Variants in DYM observed in about 807,000 individuals in gnomAD.
DYM encodes the protein dyggve-Melchior-Clausen syndrome protein.
DYM carries 78 observed loss-of-function variants against 93.1 expected under a neutral mutation model. The ratio of observed to expected loss-of-function variants is 0.84; its 90% CI spans 0.70 to 1.01. The LOEUF (loss-of-function observed/expected upper bound fraction) is 1.01, where lower values mean the gene tolerates loss of function less well. DYM is among the 50% of genes least tolerant of loss of function. DYM has a pLI of 0.00. For missense variants in DYM, 789 were observed against 845.0 expected (o/e 0.93, Z 0.82); for synonymous variants, 321 against 319.7 (o/e 1.00, Z -0.04).
chr18:49,153,437 T>A (rs2086041055), intron 15 of DYM, among the ~76,000 whole-genome samples: 1 of 152,130 alleles, frequency 6.6e-6, no homozygotes, highest in Admixed American at 6.5e-5. Flanking sequence ...AAGATCTTGA[T>A]CCAAATTTCA....
At chr18:49,273,275 G>C (rs1000337692) in intron 10 of DYM, among the ~76,000 whole-genome samples, 3 of 152,146 alleles carry the variant, frequency 2.0e-5, no homozygotes, top group Admixed American at 6.6e-5. Flanking sequence ...TAACTTCCAG[G>C]AACGAAGTAT....
intron 17 of DYM, among the ~76,000 whole-genome samples, chr18:49,045,078 T>C (rs932334752): frequency 6.6e-6 from 1 of 152,232 alleles, no homozygotes; most frequent in South Asian, 2.1e-4. Context: ...CCAAGGCCCC[T>C]GGGCCTCTCC....
intron 1 of DYM, among the ~76,000 whole-genome samples, chr18:49,459,000 T>C (rs184309252): frequency 6.6e-6 from 1 of 152,374 alleles, no homozygotes; most frequent in East Asian, 1.9e-4. Flanking sequence ...AGTTAACTGC[T>C]GAAGCTGGGT....
intron 2 of DYM, among the ~76,000 whole-genome samples, chr18:49,395,149 C>T (rs1018524082): frequency 7.9e-5 from 12 of 151,900 alleles, no homozygotes; most frequent in Non-Finnish European, 1.3e-4. Context: ...AGGATTATAT[C>T]AAACTAAAAA....
chr18:49,264,292 G>A (rs2094536055), intron 11 of DYM, among the ~76,000 whole-genome samples: 2 of 151,880 alleles, frequency 1.3e-5, no homozygotes, highest in African/African-American at 4.8e-5. Context: ...ATTTGAAGAA[G>A]TTCTCCCTAA....
intron 17 of DYM, among the ~76,000 whole-genome samples, chr18:49,074,075 C>A (rs1016678255): frequency 6.6e-6 from 1 of 152,192 alleles, no homozygotes; most frequent in Non-Finnish European, 1.5e-5. Context: ...ACCACTTTAA[C>A]AGCTAGGTTC....
At chr18:49,112,779 T>G (rs1225757496) in intron 16 of DYM, among the ~76,000 whole-genome samples, 1 of 152,134 alleles carries the variant, frequency 6.6e-6, no homozygotes, top group East Asian at 1.9e-4. Flanking sequence ...CTGCCCCTCA[T>G]TATCACAGAA....
chr18:49,112,178 C>A (rs932889482), intron 16 of DYM, among the ~76,000 whole-genome samples: 2 of 145,186 alleles, frequency 1.4e-5, no homozygotes, highest in African/African-American at 5.0e-5. Flanking sequence ...GGCTTTTGCA[C>A]CATATGAAAG....
intron 17 of DYM, among the ~76,000 whole-genome samples, chr18:49,045,451 T>C (rs1162975695): frequency 6.6e-6 from 1 of 152,206 alleles, no homozygotes; most frequent in Non-Finnish European, 1.5e-5. Flanking sequence ...GTATGTATTA[T>C]CTAATTTAGT....
At chr18:49,117,974 G>A (rs2082051684) in intron 16 of DYM, among the ~76,000 whole-genome samples, 2 of 149,568 alleles carry the variant, frequency 1.3e-5, no homozygotes, top group African/African-American at 2.5e-5. Flanking sequence ...TGGGATTACA[G>A]GCATAAGCCA....
At chr18:49,201,327 C>T (rs1447516466) in intron 14 of DYM, among the ~76,000 whole-genome samples, 2 of 150,004 alleles carry the variant, frequency 1.3e-5, no homozygotes, top group East Asian at 3.9e-4. Flanking sequence ...CTTTTTTTTT[C>T]AAAGTTCACC....
At chr18:49,270,360 A>G (rs992577645) in intron 11 of DYM, among the ~76,000 whole-genome samples, 3 of 152,240 alleles carry the variant, frequency 2.0e-5, no homozygotes, top group Admixed American at 1.3e-4. Context: ...ATGATCTCAC[A>G]TATATGTGGA....
chr18:49,137,110 T>C (rs563504706), intron 15 of DYM, among the ~76,000 whole-genome samples: 11 of 152,260 alleles, frequency 7.2e-5, no homozygotes, highest in African/African-American at 2.2e-4. Flanking sequence ...CATAGGACAA[T>C]CCTATCACCA....
intron 1 of DYM, among the ~76,000 whole-genome samples, chr18:49,435,312 T>A (rs943833342): frequency 6.6e-6 from 1 of 151,100 alleles, no homozygotes; most frequent in African/African-American, 2.4e-5. Flanking sequence ...TTTGTTATTA[T>A]AAGGTATTGT....
chr18:49,319,652 C>A (rs1048802058), intron 8 of DYM, among the ~76,000 whole-genome samples: 2 of 152,144 alleles, frequency 1.3e-5, no homozygotes, highest in African/African-American at 4.8e-5. Flanking sequence ...ACTCTAAGTT[C>A]CATTTTTAAA....
rs748033974 is a variant in DYM at position 49,118,926 on chromosome 18, C to A, written c.1729G>T (p.Ala577Ser). ...TCTTCAATGACATTTAGGTCTTGTGCCTTATAGAGAAAAGAAACCCCAACA... is the reference window on the plus strand; with the variant it reads ...TCTTCAATGACATTTAGGTCTTGTGACTTATAGAGAAAAGAAACCCCAACA... ...SSNDVPLPDY[A>S]QDLNVIEEVI... is the part of the protein sequence containing the mutation. Residue 577 changes from alanine (A) to serine (S), a missense_variant and splice_region_variant, in exon 16 of 18, where the codon GCA becomes TCA. Transcript: ENST00000675505. 3.7e-6 allele frequency: 6 copies of A among 1,613,660 alleles called. No individual in the cohort carries two copies. Among genetic ancestry groups the A allele is most frequent in the Non-Finnish European group, 5.1e-6 (6 of 1,179,788 alleles).
intron 1 of DYM, among the ~76,000 whole-genome samples, chr18:49,437,137 A>C (rs2080931358): frequency 6.6e-6 from 1 of 152,236 alleles, no homozygotes; most frequent in Non-Finnish European, 1.5e-5. Flanking sequence ...AAGGATAGAC[A>C]GTGAAAATCT....
intron 10 of DYM, among the ~76,000 whole-genome samples, chr18:49,279,725 T>C (rs2094925305): frequency 1.3e-5 from 2 of 152,216 alleles, no homozygotes; most frequent in Admixed American, 6.5e-5. Context: ...GAATTGTCTC[T>C]ATGCCTATCC....
At chr18:49,110,672 AT>A (rs758550254) in intron 16 of DYM, among the ~76,000 whole-genome samples, 91 of 152,150 alleles carry the variant, frequency 6.0e-4, no homozygotes, top group Non-Finnish European at 9.4e-4. Flanking sequence ...TTTAAATATA[AT>A]GTCTTTTAAA....
Sources: allele counts gnomAD v4.1 joint callset (sites outside exome capture counted in the v4.1 genomes callset), GRCh38; gene constraint gnomAD v4.1.1; transcripts MANE v1.5; gene names NCBI Gene and HGNC (gene_info 2026-07-23, HGNC 2026-07-21).